FAT2: variants seen among roughly 807,000 people sequenced by gnomAD.
FAT2 encodes the protein FAT atypical cadherin 2.
In FAT2, 150 loss-of-function variants were observed where a neutral mutation model predicts 295.3. That is an observed-to-expected ratio of 0.51 (90% confidence interval 0.44 to 0.58). The LOEUF is 0.58. Among genes scored for constraint, FAT2 ranks in the 20% least tolerant of loss-of-function variants. FAT2 has a pLI of 0.00. For synonymous variants in FAT2, 2,026 were observed against 2,150.3 expected (o/e 0.94, Z 1.60); for missense variants, 4,868 against 5,442.7 (o/e 0.89, Z 3.32).
At position 151,542,610 on chromosome 5, in the gene FAT2, G is replaced by C; in HGVS notation, c.8517C>G (p.Asp2839Glu). The change falls in exon 10 of 24, where the codon GAC becomes GAG. Residue 2839 changes from aspartate to glutamate, a missense_variant. Physicochemically the swap from Asp to Glu is conservative, Grantham distance 45. Around this residue, in one of 5 missense-constraint regions of FAT2, gnomAD observed 3,297 missense variants for 3,669.4 expected, o/e 0.90. Transcript: ENST00000261800. ...AGAGCTCATGGACATTGCTACCAGG[G>C]TCTGCAGACAGCCTGTAGCTCACCT... Reference protein sequence around the residue: ...DGQVSYRLSADPGSNVHELFA... With the variant: ...DGQVSYRLSAEPGSNVHELFA... The C allele has an allele frequency of 6.2e-7, 1 of 1,614,202 alleles. No individual in the cohort carries two copies. Among genetic ancestry groups the C allele is most frequent in the East Asian group, 2.2e-5 (1 of 44,892 alleles).
chr5:151,509,445 T>C (rs1761147969), intron 22 of FAT2: 1 of 152,930 alleles, frequency 6.5e-6, no homozygotes, highest in Non-Finnish European at 1.5e-5. Flanking sequence ...GGAGCCGAGC[T>C]GCACAGCAGG....
At chr5:151,559,955 G>A (rs1380628750) in intron 3 of FAT2, among the ~76,000 whole-genome samples, 3 of 152,222 alleles carry the variant, frequency 2.0e-5, no homozygotes, top group South Asian at 2.1e-4. Flanking sequence ...ATGAGGTGGC[G>A]CTCAGTGGAC....
intron 1 of FAT2, among the ~76,000 whole-genome samples, chr5:151,579,747 A>AAAAG (rs1554135346): frequency 6.6e-5 from 10 of 152,072 alleles, no homozygotes; most frequent in African/African-American, 2.4e-4. Context: ...TAAAAAAAAA[A>AAAAG]AGAGAGAGAA....
rs529332591 is a variant in FAT2 at position 151,513,098 on chromosome 5, T to C, written c.11464-492A>G. On this transcript the variant is annotated intron_variant, in intron 20 of 23. Coordinates refer to ENST00000261800, the MANE Select transcript of FAT2 (RefSeq NM_001447.3). ...TCCTAAGAGTTGATTTGCCTTTGTT[T>C]TCTCACAAGTATACAACAGAGTTTT... Among the ~76,000 whole-genome samples the C allele has an allele frequency of 6.6e-5, 10 of 152,368 alleles. No individual in the cohort carries two copies. The East Asian group carries it at 1.9e-3, about 29-fold the overall frequency.
chr5:151,560,475 G>A (rs1757970823), intron 3 of FAT2, among the ~76,000 whole-genome samples: 1 of 152,114 alleles, frequency 6.6e-6, no homozygotes. Flanking sequence ...TAGCACCTGT[G>A]TCGTCACCCT....
chr5:151,592,654 T>A (rs974760827), upstream of FAT2, among the ~76,000 whole-genome samples: 1 of 152,224 alleles, frequency 6.6e-6, no homozygotes, highest in Non-Finnish European at 1.5e-5. Flanking sequence ...TAGCTATGTA[T>A]CCCAAGGCAA....
At chr5:151,560,858 C>T (rs1757985691) in intron 3 of FAT2, among the ~76,000 whole-genome samples, 1 of 152,186 alleles carries the variant, frequency 6.6e-6, no homozygotes, top group Non-Finnish European at 1.5e-5. Flanking sequence ...TGGATGCTGG[C>T]AGAGATTCAT....
intron 1 of FAT2, among the ~76,000 whole-genome samples, chr5:151,589,557 A>G (rs992287575): frequency 6.6e-6 from 1 of 152,180 alleles, no homozygotes; most frequent in African/African-American, 2.4e-5. Flanking sequence ...CATCAGCAAG[A>G]TGGAGACAAT....
Position 151,507,549 on chromosome 5 carries a change from C to G in FAT2, c.12122G>C (p.Arg4041Thr). 1 of 1,614,156 alleles carries G rather than the reference C, an allele frequency of 6.2e-7. No individual in the cohort carries two copies. The highest frequency in any genetic ancestry group is 8.5e-7 in the Non-Finnish European group (1 of 1,180,024). The change falls in exon 23 of 24, where the codon AGG (arginine) becomes ACG (threonine). Residue 4041 changes from arginine (R) to threonine (T), a missense_variant. Coordinates refer to ENST00000261800, the MANE Select transcript of FAT2 (RefSeq NM_001447.3). ...TAACTCCTGCTGCCCCCAGTCCCCC[C>G]TTTGGATCTCGGGAGTGACTAGGCA... ...GHCLVTPEIQ[R>T]GDWGQQELLI... is the part of the protein sequence containing the mutation.
rs1162377662 is a variant in FAT2, at chr5:151,537,830, G to A, written c.9156C>T (p.Gly3052=). ...CCAGCTTGAATTCATGCGCCCCAGG[G>A]CCATGCAGAGAATATGTGATCTGAG... ...TNAQITYSLH[G]PGAHEFKLDP... is the part of the protein sequence containing the mutation. Residue 3052 remains glycine, a synonymous_variant, in exon 12 of 24, where the codon GGC becomes GGT. Coordinates refer to ENST00000261800, the MANE Select transcript of FAT2 (RefSeq NM_001447.3). 11 of 1,614,034 alleles carry A rather than the reference G, an allele frequency of 6.8e-6. No homozygotes were observed. Among genetic ancestry groups the A allele is most frequent in the East Asian group, 2.2e-5 (1 of 44,886 alleles).
chr5:151,510,380 C>T lies in FAT2; in HGVS notation c.11906-206G>A, dbSNP rs1360304228. On this transcript the variant is annotated intron_variant, in intron 21 of 23. Coordinates refer to ENST00000261800, the MANE Select transcript of FAT2 (RefSeq NM_001447.3). ...CCCTGCCCTCAAACAGCTTACAGCC[C>T]ACCAGAGACAACAGTCACCTAAAGA... 17 of 544,532 alleles carry T rather than the reference C, an allele frequency of 3.1e-5. No individual in the cohort carries two copies. In the East Asian group the frequency reaches 4.9e-4, roughly 16 times the overall value. 33.7% of individuals were successfully genotyped at this position (544,532 alleles called of 1,614,324 possible). A position where few individuals can be genotyped will look rare whatever the true frequency, so the allele number is the denominator to read the frequency against.
chr5:151,542,106 A>G (rs1756207925), intron 10 of FAT2, among the ~76,000 whole-genome samples, 179 bp downstream of exon 10: 1 of 152,228 alleles, frequency 6.6e-6, no homozygotes, highest in African/African-American at 2.4e-5. Flanking sequence ...TGTGAGGTGA[A>G]TGAGAACATG....
chr5:151,537,319 G>GGA (rs1755482749), intron 12 of FAT2, among the ~76,000 whole-genome samples: 1 of 82,882 alleles, frequency 1.2e-5, no homozygotes, highest in African/African-American at 7.5e-5. Context: ...GAAAAAGAAA[G>GGA]AGAAAAAAAG....
Position 151,542,889 on chromosome 5 carries a change from T to C in FAT2, c.8238A>G (p.Thr2746=), listed in dbSNP as rs777548514. Residue 2746 remains threonine (T), a synonymous_variant, in exon 10 of 24, where the codon ACA becomes ACG. Coordinates refer to ENST00000261800, the MANE Select transcript of FAT2 (RefSeq NM_001447.3). ...TGGGCTTCCTCACCTTTATGACCCC[T>C]GTGTCTGGGTCTAGGGAGAAGACAC... ...KDGVFSLDPD[T]GVIKVRKPMD... 1.1e-5 allele frequency: 18 copies of C among 1,614,096 alleles called. No homozygotes were observed. Among genetic ancestry groups the C allele is most frequent in the Non-Finnish European group, 1.5e-5 (18 of 1,180,048 alleles).
chr5:151,521,596 ATGT>A lies in FAT2; in HGVS notation c.10994_10996del (p.Asn3665del). ...TGCAGGCTGGAGGCTGGCCAAGTGA[ATGT>A]TAGCCCGTTTGATGTCCAGCTTATG... On this transcript the variant is annotated inframe_deletion, in exon 19 of 24. Transcript: ENST00000261800. 1 of 1,614,142 alleles carries A rather than the reference ATGT, an allele frequency of 6.2e-7. No individual in the cohort carries two copies. The highest frequency in any genetic ancestry group is 8.5e-7 in the Non-Finnish European group (1 of 1,180,010).
chr5:151,588,475 G>A (rs1759266294), intron 1 of FAT2, among the ~76,000 whole-genome samples: 2 of 152,162 alleles, frequency 1.3e-5, no homozygotes, highest in African/African-American at 2.4e-5. Context: ...ATCTCTAAGC[G>A]CCCTTCCACT....
Position 151,507,157 on chromosome 5 carries a change from T to G in FAT2, c.12514A>C (p.Met4172Leu), listed in dbSNP as rs1475519138. Residue 4172 changes from methionine (M) to leucine (L), a missense_variant, in exon 23 of 24, where the codon ATG (methionine) becomes CTG (leucine). Around this residue, in one of 5 missense-constraint regions of FAT2, gnomAD observed 492 missense variants for 482.6 expected, o/e 1.02. Coordinates refer to ENST00000261800, the MANE Select transcript of FAT2 (RefSeq NM_001447.3). ...VIKRTWSSEE[M>L]VYPGGAMVWP... ...AAGCGTCTCTGGCTATACTGACCCA[T>G]CTCCTCGCTGGACCAGGTTCTCTTA... is the stretch of plus-strand genomic sequence containing the variant. The G allele has an allele frequency of 6.3e-7, 1 of 1,577,364 alleles. No individual in the cohort carries two copies. The highest frequency in any genetic ancestry group is 1.7e-5 in the Admixed American group (1 of 57,594).
intron 21 of FAT2, chr5:151,511,366 G>T (rs10463243): frequency 0.71 from 107,599 of 152,056 alleles, 38,630 homozygotes; most frequent in East Asian, 0.96. Flanking sequence ...CACAGGAACC[G>T]CTCATGTTGC....
chr5:151,512,795 T>C lies in FAT2; in HGVS notation c.11464-189A>G. On this transcript the variant is annotated intron_variant, in intron 20 of 23. Transcript: ENST00000261800. This position sits in a 1 kb window ranked among gnomAD's most constrained non-coding sequence, Gnocchi z 4.1. ...CTTTTGTGTTGATGGTCTCCTTTGT[T>C]CTCACCACACCCCATGGGATGGTCT... The C allele has an allele frequency of 1.6e-6, 1 of 606,612 alleles. No individual in the cohort carries two copies. Among genetic ancestry groups the C allele is most frequent in the Non-Finnish European group, 2.9e-6 (1 of 344,156 alleles). 37.6% of individuals were successfully genotyped at this position (606,612 alleles called of 1,614,324 possible). A position where few individuals can be genotyped will look rare whatever the true frequency, so the allele number is the denominator to read the frequency against.
Sources: allele counts gnomAD v4.1 joint callset (sites outside exome capture counted in the v4.1 genomes callset), GRCh38; gene constraint gnomAD v4.1.1; regional missense constraint gnomAD v4.1.1; non-coding constraint Gnocchi (gnomAD v3.1); transcripts MANE v1.5; gene names NCBI Gene and HGNC (gene_info 2026-07-23, HGNC 2026-07-21).